Variants in CST3 observed in about 807,000 individuals in gnomAD.
CST3 encodes cystatin-C.
Under a neutral mutation model 9.0 loss-of-function variants are expected in CST3, and 14 were observed. The observed-to-expected ratio is 1.56, with a 90% CI of 1.03 to 2.44. The LOEUF (loss-of-function observed/expected upper bound fraction) is 2.44, where lower values mean the gene tolerates loss of function less well. Ranked by LOEUF, CST3 falls within the 30% of genes most tolerant of loss-of-function variation. CST3 has a pLI of 0.00. For synonymous variants in CST3, 96 were observed against 90.2 expected, an observed-to-expected ratio of 1.06 and a Z score of -0.37; for missense variants, 237 against 204.3, an observed-to-expected ratio of 1.16 and a Z score of -0.98.
At chr20:23,634,802 C>T (rs1979595300) in intron 2 of CST3, among the ~76,000 whole-genome samples, 1 of 152,094 alleles carries the variant, frequency 6.6e-6, no homozygotes, top group Non-Finnish European at 1.5e-5. Context: ...CACACATAGG[C>T]ATCTACATGA....
chr20:23,637,503 G>A, intron 1 of CST3, 117 bp downstream of exon 1: 1 of 1,026,302 alleles, frequency 9.7e-7, no homozygotes, highest in East Asian at 3.2e-5. Flanking sequence ...ACCGGGAACA[G>A]GGTCCGGGTG....
downstream of CST3, chr20:23,629,320 T>C (rs1979363187): frequency 6.6e-6 from 1 of 152,168 alleles, no homozygotes; most frequent in Non-Finnish European, 1.5e-5. Flanking sequence ...AGAGGTGTGT[T>C]TGGTAATGAT....
exon 4 of CST3, chr20:23,627,034 C>T (rs1433394944): frequency 1.3e-5 from 2 of 152,204 alleles, no homozygotes; most frequent in Non-Finnish European, 2.9e-5. Context: ...GCTTTACTGA[C>T]ATTTAATTTT....
chr20:23,637,941 C>CGGAGG lies in CST3; in HGVS notation c.-80_-79insCCTCC, dbSNP rs1979769332. 7.6e-7 allele frequency: 1 copy of CGGAGG among 1,314,396 alleles called. No homozygotes were observed. Among genetic ancestry groups the CGGAGG allele is most frequent in the African/African-American group, 1.6e-5 (1 of 64,156 alleles). The allele number at this position is 1,314,396 out of a possible 1,614,324, so 81.4% of individuals were successfully genotyped here. ...TAGATAGAGAGGACCCGCTGCGATA[C>CGGAGG]CGAGGCGAGGCCGTGAGCCCCGCGA... On this transcript the variant is annotated 5_prime_UTR_variant, in exon 1 of 3. Coordinates refer to ENST00000376925, the MANE Select transcript of CST3 (RefSeq NM_000099.4).
At position 23,637,920 on chromosome 20, in the gene CST3, TAGAG is replaced by T; in HGVS notation, c.-62_-59del. The T allele has an allele frequency of 7.4e-7, 1 of 1,347,792 alleles. No homozygotes were observed. The highest frequency in any genetic ancestry group is 9.5e-7 in the Non-Finnish European group (1 of 1,058,060). 83.5% of individuals were successfully genotyped at this position (1,347,792 alleles called of 1,614,324 possible). A position where few individuals can be genotyped will look rare whatever the true frequency, so the allele number is the denominator to read the frequency against. ...GCGCAGGCGAGAGGCTGGAGCTAGA[TAGAG>T]AGGACCCGCTGCGATACCGAGGCGA... On this transcript the variant is annotated 5_prime_UTR_variant, in exon 1 of 3. Coordinates refer to ENST00000376925, the MANE Select transcript of CST3 (RefSeq NM_000099.4).
At chr20:23,635,015 C>T (rs914101618) in intron 2 of CST3, among the ~76,000 whole-genome samples, 2 of 152,078 alleles carry the variant, frequency 1.3e-5, no homozygotes, top group Non-Finnish European at 2.9e-5. Context: ...CTCACACACC[C>T]ACACCTATCC....
chr20:23,626,892 T>C lies in CST3; in HGVS notation c.*2576A>G, dbSNP rs561064745. ...CACATTGGCTTGTAACTGGAGTAAG[T>C]TGTGGTGTTGTTTAATTTTGTCGAG... On this transcript the variant is annotated 3_prime_UTR_variant, in exon 4 of 4. Coordinates refer to the CST3 transcript ENST00000398411. 6 of 152,232 alleles carry C rather than the reference T, an allele frequency of 3.9e-5. No homozygotes were observed. In the South Asian group the frequency reaches 6.2e-4, roughly 16 times the overall value. The allele number at this position is 152,232 out of a possible 1,614,324, so 9.4% of individuals were successfully genotyped here.
chr20:23,636,293 G>T (rs2122478210), intron 1 of CST3, among the ~76,000 whole-genome samples: 1 of 152,322 alleles, frequency 6.6e-6, no homozygotes, highest in South Asian at 2.1e-4. Flanking sequence ...GAGCTCTAAA[G>T]TCTGTGTCAC....
At chr20:23,634,628 C>G (rs1312025438) in intron 2 of CST3, among the ~76,000 whole-genome samples, 1 of 152,016 alleles carries the variant, frequency 6.6e-6, no homozygotes, top group Non-Finnish European at 1.5e-5. Context: ...TAGACAGAGC[C>G]CTTTCTCCCT....
chr20:23,633,809 T>C lies in CST3; in HGVS notation c.*107A>G, dbSNP rs535553789. 4.2e-6 allele frequency: 4 copies of C among 946,776 alleles called. No individual in the cohort carries two copies. Among genetic ancestry groups the C allele is most frequent in the South Asian group, 4.0e-5 (3 of 75,730 alleles). 58.6% of individuals were successfully genotyped at this position (946,776 alleles called of 1,614,324 possible). On this transcript the variant is annotated 3_prime_UTR_variant, in exon 3 of 3. Transcript: ENST00000376925. Reference sequence around the variant, plus strand: ...CTGTCTGTCTCCTGGTGCAGGCACATGGGGAGACCTTCCCCAAGGCAGGGG... The same window carrying C: ...CTGTCTGTCTCCTGGTGCAGGCACACGGGGAGACCTTCCCCAAGGCAGGGG...
downstream of CST3, among the ~76,000 whole-genome samples, chr20:23,631,394 G>C (rs892234044): frequency 8.5e-5 from 13 of 152,166 alleles, no homozygotes; most frequent in African/African-American, 3.1e-4. Flanking sequence ...CCAGCCCTTA[G>C]GTAAATTCCT....
At chr20:23,637,496 G>C (rs1343093467) in intron 1 of CST3, 124 bp downstream of exon 1, 2 of 980,606 alleles carry the variant, frequency 2.0e-6, no homozygotes, top group African/African-American at 1.7e-5. Context: ...AGCGAAGACC[G>C]GGAACAGGGT....
intron 1 of CST3, among the ~76,000 whole-genome samples, chr20:23,635,734 C>G (rs1979648312): frequency 6.6e-6 from 1 of 152,222 alleles, no homozygotes; most frequent in Non-Finnish European, 1.5e-5. Context: ...CTCATTCCTG[C>G]CATTTAACCC....
At chr20:23,630,494 C>A (rs1979412083), downstream of CST3, among the ~76,000 whole-genome samples, 1 of 152,204 alleles carries the variant, frequency 6.6e-6, no homozygotes, top group Non-Finnish European at 1.5e-5. Flanking sequence ...AGTGTTGTGT[C>A]TTTGAGCAGT....
rs539915186 is a variant in CST3 at position 23,627,242 on chromosome 20, C to A, written c.*2226G>T. 3.3e-5 allele frequency: 5 copies of A among 152,320 alleles called. 1 individual carries two copies. In the South Asian group the frequency reaches 1.0e-3, roughly 32 times the overall value. The allele number at this position is 152,320 out of a possible 1,614,324, so 9.4% of individuals were successfully genotyped here. ...CTACAGCCTGTCTCTATACATTTTT[C>A]TGTTCTGGGTATTTCATATAAATTG... On this transcript the variant is annotated 3_prime_UTR_variant, in exon 4 of 4. Coordinates refer to the CST3 transcript ENST00000398411.
At chr20:23,629,237 G>A (rs909100080), downstream of CST3, 1 of 152,272 alleles carries the variant, frequency 6.6e-6, no homozygotes, top group African/African-American at 2.4e-5. Context: ...AATCCTCACG[G>A]GGAAACTGCT....
At position 23,637,640 on chromosome 20, in the gene CST3, C is replaced by T. The variant is rs373743268; in HGVS notation, c.223G>A (p.Val75Met). The change falls in exon 1 of 3, where the codon GTG (valine) becomes ATG (methionine). Residue 75 changes from valine to methionine, a missense_variant. Physicochemically the swap from Val to Met is conservative, Grantham distance 21. Transcript: ENST00000376925. Reference sequence around the variant, plus strand: ...CGCACCTGCTTGCGGGCGCGCACCACCTGCAGCGCGCGGCTGTGGTACATG... The same window carrying T: ...CGCACCTGCTTGCGGGCGCGCACCATCTGCAGCGCGCGGCTGTGGTACATG... ...NDMYHSRALQVVRARKQIVAG... is the reference protein window; with the variant it reads ...NDMYHSRALQMVRARKQIVAG... 5.6e-5 allele frequency: 86 copies of T among 1,525,916 alleles called. No homozygotes were observed. Among genetic ancestry groups the T allele is most frequent in the Non-Finnish European group, 6.6e-5 (75 of 1,137,630 alleles). The allele number at this position is 1,525,916 out of a possible 1,614,324, so 94.5% of individuals were successfully genotyped here.
chr20:23,635,444 C>A, intron 1 of CST3, 77 bp from the exon 2 acceptor site: 1 of 1,303,390 alleles, frequency 7.7e-7, no homozygotes, highest in South Asian at 1.3e-5. Flanking sequence ...TTCACTGTGA[C>A]CGGGTCACTG....
intron 2 of CST3, 112 bp downstream of exon 2, chr20:23,635,142 C>G: frequency 1.1e-6 from 1 of 933,952 alleles, no homozygotes; most frequent in South Asian, 1.4e-5. Context: ...CGTGTACACA[C>G]ACTCAGGCAC....
Sources: gnomAD v4.1 joint callset for allele counts (sites outside exome capture counted in the v4.1 genomes callset) on GRCh38, gnomAD v4.1.1 for gene constraint, MANE v1.5 for transcripts, NCBI Gene and HGNC (gene_info 2026-07-23, HGNC 2026-07-21) for gene names.